The following ANO10 variants were observed in gnomAD, a reference collection of about 807,000 sequenced individuals.
The protein encoded by ANO10 is anoctamin 10, also known as anoctamin-10.
A neutral mutation model predicts 74.7 loss-of-function variants in ANO10; 77 were observed. The ratio of observed to expected loss-of-function variants is 1.03; its 90% CI spans 0.86 to 1.25. ANO10 has a LOEUF of 1.25. Among genes scored for constraint, ANO10 ranks in the 50% most tolerant of loss-of-function variants. ANO10 has a pLI of 0.00. For synonymous variants in ANO10, 279 were observed against 284.9 expected (o/e 0.98, Z 0.21); for missense variants, 721 against 778.1 (o/e 0.93, Z 0.87).
chr3:43,512,946 G>A (rs80149696), intron 11 of ANO10, among the ~76,000 whole-genome samples: 2,225 of 152,246 alleles, frequency 0.015, 140 homozygotes, highest in Admixed American at 0.11. Flanking sequence ...GGGAGAAAAC[G>A]TCAGGATGAG....
At chr3:43,557,266 G>A (rs150129828) in intron 9 of ANO10, among the ~76,000 whole-genome samples, 216 of 152,200 alleles carry the variant, frequency 1.4e-3, no homozygotes, top group African/African-American at 5.0e-3. Context: ...GGGGTACAAT[G>A]GTGGTATACT....
intron 1 of ANO10, among the ~76,000 whole-genome samples, chr3:43,627,643 T>A (rs1297059143): frequency 6.6e-6 from 1 of 152,234 alleles, no homozygotes. Flanking sequence ...AGATAGTGCA[T>A]CTAACTGGAG....
At chr3:43,444,051 G>A (rs1211214690) in intron 11 of ANO10, among the ~76,000 whole-genome samples, 2 of 152,212 alleles carry the variant, frequency 1.3e-5, no homozygotes, top group East Asian at 3.9e-4. Flanking sequence ...ATTAATGCAA[G>A]AAAATAATCT....
chr3:43,569,805 CT>C (rs1323345261), intron 7 of ANO10, among the ~76,000 whole-genome samples: 1 of 57,980 alleles, frequency 1.7e-5, no homozygotes, highest in Non-Finnish European at 3.2e-5. Context: ...CTCACCACTC[CT>C]ATTCAACATA....
Position 43,526,083 on chromosome 3 carries a change from A to G in ANO10, c.1797+23637T>C, listed in dbSNP as rs370250893. Among the ~76,000 whole-genome samples, 65 of 152,358 alleles carry G rather than the reference A, an allele frequency of 4.3e-4. No homozygotes were observed. In the South Asian group the frequency reaches 0.013, roughly 30 times the overall value. Reference sequence around the variant, plus strand: ...AAGTCATTAAATGCAGTACACTTAGAGAAATAAAAGCACTTGAATGATGAA... The same window carrying G: ...AAGTCATTAAATGCAGTACACTTAGGGAAATAAAAGCACTTGAATGATGAA... On this transcript the variant is annotated intron_variant, in intron 11 of 12. Transcript: ENST00000292246.
intron 11 of ANO10, among the ~76,000 whole-genome samples, chr3:43,516,132 C>A (rs1484842791): frequency 6.6e-6 from 1 of 152,190 alleles, no homozygotes; most frequent in Non-Finnish European, 1.5e-5. Flanking sequence ...CTGAATACAG[C>A]ATGGATCCTG....
At chr3:43,448,249 T>A (rs1307572549) in intron 11 of ANO10, among the ~76,000 whole-genome samples, 1 of 152,174 alleles carries the variant, frequency 6.6e-6, no homozygotes, top group Non-Finnish European at 1.5e-5. Context: ...GAGACATACA[T>A]CATGTCATGT....
chr3:43,656,844 C>A (rs544411719), intron 1 of ANO10, among the ~76,000 whole-genome samples: 1 of 152,240 alleles, frequency 6.6e-6, no homozygotes. Context: ...GAGTGGGCTC[C>A]GGCCTTGGCC....
chr3:43,502,098 T>C (rs908305657), intron 11 of ANO10, among the ~76,000 whole-genome samples: 9 of 152,206 alleles, frequency 5.9e-5, no homozygotes, highest in Admixed American at 3.3e-4. Flanking sequence ...CAAAACAGTA[T>C]GGAAATTCCT....
chr3:43,671,940 T>G (rs916412778), intron 1 of ANO10, among the ~76,000 whole-genome samples: 2 of 152,176 alleles, frequency 1.3e-5, no homozygotes, highest in African/African-American at 4.8e-5. Context: ...CATACATTCA[T>G]CAGCACAGCT....
At chr3:43,485,148 T>C (rs1272529468) in intron 11 of ANO10, 3 of 783,866 alleles carry the variant, frequency 3.8e-6, no homozygotes, top group Non-Finnish European at 6.6e-6. Context: ...CTGGATGGAG[T>C]GGGCCCTGGC....
At chr3:43,489,429 G>A (rs549751766) in intron 11 of ANO10, among the ~76,000 whole-genome samples, 1 of 152,200 alleles carries the variant, frequency 6.6e-6, no homozygotes, top group African/African-American at 2.4e-5. Flanking sequence ...ACCTTACTGA[G>A]GGGTTGGATC....
chr3:43,625,856 TTTACCAGGCTTTTC>T (rs1403787806), upstream of ANO10, among the ~76,000 whole-genome samples: 3 of 152,316 alleles, frequency 2.0e-5, no homozygotes, highest in Admixed American at 6.5e-5. Flanking sequence ...ACTGGTCAAT[TTTACCAGGCTTTTC>T]TTTTACTACG....
At chr3:43,509,137 A>G (rs1245534865) in intron 11 of ANO10, among the ~76,000 whole-genome samples, 3 of 151,492 alleles carry the variant, frequency 2.0e-5, no homozygotes, top group African/African-American at 7.3e-5. Context: ...CAAACACCGC[A>G]TGTTCTCAGT....
At chr3:43,373,518 C>T (rs2091692556) in intron 12 of ANO10, among the ~76,000 whole-genome samples, 2 of 152,202 alleles carry the variant, frequency 1.3e-5, no homozygotes, top group South Asian at 4.1e-4. Flanking sequence ...GGTGTAATGT[C>T]TGTTTCTCAA....
intron 1 of ANO10, among the ~76,000 whole-genome samples, chr3:43,671,132 T>A (rs1477276119): frequency 6.6e-6 from 1 of 152,228 alleles, no homozygotes; most frequent in Non-Finnish European, 1.5e-5. Flanking sequence ...ATCAATGGAC[T>A]TAATTAGGTA....
intron 4 of ANO10, among the ~76,000 whole-genome samples, chr3:43,581,924 T>G (rs373194858): frequency 2.1e-5 from 3 of 144,656 alleles, no homozygotes; most frequent in South Asian, 2.2e-4. Context: ...AGACCTCATC[T>G]CGAAAAAAAA....
intron 11 of ANO10, chr3:43,485,928 T>C (rs914071031): frequency 5.0e-5 from 12 of 239,142 alleles, no homozygotes; most frequent in Middle Eastern, 1.6e-3. Flanking sequence ...ACAGTTTATG[T>C]CTTTACAGTT....
intron 7 of ANO10, among the ~76,000 whole-genome samples, chr3:43,568,534 C>A (rs1468463182): frequency 2.7e-5 from 4 of 146,652 alleles, no homozygotes; most frequent in Admixed American, 6.8e-5. Context: ...AAGAATCTCA[C>A]TCAAAACCGC....
Sources: gnomAD v4.1 joint callset for allele counts (sites outside exome capture counted in the v4.1 genomes callset) on GRCh38, gnomAD v4.1.1 for gene constraint, MANE v1.5 for transcripts, NCBI Gene and HGNC (gene_info 2026-07-23, HGNC 2026-07-21) for gene names.